Variants in SRBD1 observed in about 807,000 individuals in gnomAD.
The protein encoded by SRBD1 is S1 RNA-binding domain-containing protein 1.
In SRBD1, 88 loss-of-function variants were observed where a neutral mutation model predicts 115.3. That is an observed-to-expected ratio of 0.76 (90% CI 0.64 to 0.91). The LOEUF is 0.91. SRBD1 is among the 40% of genes least tolerant of loss of function. SRBD1 has a pLI of 0.00. For synonymous variants in SRBD1, 509 were observed against 407.7 expected (o/e 1.25, Z -2.99); for missense variants, 1,385 against 1,177.4 (o/e 1.18, Z -2.58).
At chr2:45,546,333 G>T in intron 14 of SRBD1, 5 of 985,458 alleles carry the variant, frequency 5.1e-6, no homozygotes, top group Non-Finnish European at 6.0e-6. Context: ...TCTCAGTTCT[G>T]AAGGGTAATG....
intron 16 of SRBD1, among the ~76,000 whole-genome samples, chr2:45,429,993 A>T (rs191524655): frequency 6.6e-6 from 1 of 152,312 alleles, no homozygotes; most frequent in East Asian, 1.9e-4. Context: ...CCTATACACC[A>T]ATAATAGACA....
In SRBD1 at chr2:45,418,302, G is replaced by C. The variant is rs1039936851; in HGVS notation, c.2333+63C>G. ...GAAAATTTTACACTAATCAGTGGTAGGATAGGTAACAGTAACAAGAGAGGA... is the reference window on the plus strand; with the variant it reads ...GAAAATTTTACACTAATCAGTGGTACGATAGGTAACAGTAACAAGAGAGGA... On this transcript the variant is annotated intron_variant, in intron 18 of 20. Transcript: ENST00000263736. 5.1e-6 allele frequency: 8 copies of C among 1,567,798 alleles called. No homozygotes were observed. In the African/African-American group the frequency reaches 9.6e-5, roughly 19 times the overall value.
chr2:45,488,163 T>C (rs1184123933), intron 15 of SRBD1, 77 bp downstream of exon 15: 4 of 1,254,478 alleles, frequency 3.2e-6, no homozygotes, highest in Middle Eastern at 1.9e-4. Flanking sequence ...CTTTGATATT[T>C]AGAATATTTA....
At position 45,463,426 on chromosome 2, in the gene SRBD1, C is replaced by A. The variant is rs528516683; in HGVS notation, c.2049+13567G>T. ...AGATCATGATCAACTCACACTCCAA[C>A]ACACATATATAAAGGAATGAGTTAA... On this transcript the variant is annotated intron_variant, in intron 16 of 20. Coordinates refer to ENST00000263736, the MANE Select transcript of SRBD1 (RefSeq NM_018079.5). 7.9e-5 allele frequency among the ~76,000 whole-genome samples: 12 copies of A among 152,262 alleles called. No homozygotes were observed. The South Asian group carries it at 2.5e-3, about 32-fold the overall frequency.
At chr2:45,391,382 T>C (rs1272628132) in intron 20 of SRBD1, among the ~76,000 whole-genome samples, 2 of 152,074 alleles carry the variant, frequency 1.3e-5, no homozygotes, top group Admixed American at 1.3e-4. Context: ...AAAGACAGAA[T>C]TATTATGAGT....
chr2:45,567,426 A>G (rs1672865744), intron 9 of SRBD1, among the ~76,000 whole-genome samples: 1 of 152,122 alleles, frequency 6.6e-6, no homozygotes, highest in African/African-American at 2.4e-5. Flanking sequence ...CCTGGGCAAC[A>G]TGGCGAAACC....
At position 45,585,639 on chromosome 2, in the gene SRBD1, T is replaced by A. The variant is rs2104198398; in HGVS notation, c.784A>T (p.Arg262Ter). 1 of 1,611,740 alleles carries A rather than the reference T, an allele frequency of 6.2e-7. No individual in the cohort carries two copies. The highest frequency in any genetic ancestry group is 8.5e-7 in the Non-Finnish European group (1 of 1,179,374). Residue 262 changes from arginine to a stop codon, truncating the protein, a stop_gained, in exon 5 of 21, where the codon AGA (arginine) becomes TGA (stop). Transcript: ENST00000263736. LOFTEE classifies it high-confidence loss of function. ...TCTTCTAGGGTTTGCTGAACTTCTC[T>A]CAAGGAATCAGCATCAAGGTTATTA... Reference protein sequence around the residue: ...LINNLDADSLREVQQTLEELR... With the variant: ...LINNLDADSL
In SRBD1 at chr2:45,407,216, T is replaced by A. The variant is rs1194067119; in HGVS notation, c.2513+5898A>T. ...TTTAAACATGATGATGCTTCTAACATGCTTGGTAATGAGGAAGTAGTCAAT... is the reference window on the plus strand; with the variant it reads ...TTTAAACATGATGATGCTTCTAACAAGCTTGGTAATGAGGAAGTAGTCAAT... On this transcript the variant is annotated intron_variant, in intron 19 of 20. Transcript: ENST00000263736. Among the ~76,000 whole-genome samples, 3 of 152,318 alleles carry A rather than the reference T, an allele frequency of 2.0e-5. No homozygotes were observed. The East Asian group carries it at 5.8e-4, about 29-fold the overall frequency.
At chr2:45,542,179 G>A (rs557182388) in intron 14 of SRBD1, among the ~76,000 whole-genome samples, 61 of 152,350 alleles carry the variant, frequency 4.0e-4, no homozygotes, top group African/African-American at 1.4e-3. Context: ...CCAAAATCCT[G>A]AACAGGCTGA....
intron 16 of SRBD1, among the ~76,000 whole-genome samples, chr2:45,459,332 G>C (rs982095721): frequency 1.1e-4 from 17 of 152,080 alleles, no homozygotes; most frequent in African/African-American, 4.1e-4. Flanking sequence ...GCAGGCAATG[G>C]GCCTTCACTT....
At chr2:45,562,019 A>G (rs1223001858) in intron 10 of SRBD1, among the ~76,000 whole-genome samples, 1 of 152,210 alleles carries the variant, frequency 6.6e-6, no homozygotes, top group Non-Finnish European at 1.5e-5. Context: ...TGCAAGGGAA[A>G]AGATGATCTT....
At position 45,434,837 on chromosome 2, in the gene SRBD1, T is replaced by G. The variant is rs537852403; in HGVS notation, c.2050-14943A>C. Among the ~76,000 whole-genome samples the G allele has an allele frequency of 3.9e-5, 6 of 152,050 alleles. No homozygotes were observed. In the South Asian group the frequency reaches 1.3e-3, roughly 32 times the overall value. ...GCACAATGTGCAGGTTTGTTACACA[T>G]GTATACATGTGTCATGTTGGTTTGC... On this transcript the variant is annotated intron_variant, in intron 16 of 20. Transcript: ENST00000263736.
intron 20 of SRBD1, among the ~76,000 whole-genome samples, chr2:45,392,628 T>A (rs947806601): frequency 1.3e-5 from 2 of 152,172 alleles, no homozygotes; most frequent in Admixed American, 6.5e-5. Flanking sequence ...TCCCAAGAGA[T>A]AAAGACAACT....
intron 14 of SRBD1, among the ~76,000 whole-genome samples, chr2:45,528,497 A>T (rs955379244): frequency 4.0e-5 from 6 of 151,874 alleles, no homozygotes; most frequent in Non-Finnish European, 7.4e-5. Context: ...AAAAGAATTT[A>T]AAAAACACAT....
intron 16 of SRBD1, among the ~76,000 whole-genome samples, chr2:45,444,388 T>C (rs1668758822): frequency 6.6e-6 from 1 of 152,142 alleles, no homozygotes; most frequent in African/African-American, 2.4e-5. Flanking sequence ...TCCACATAAC[T>C]TTAGTAAAGA....
chr2:45,560,502 C>T (rs530814578), intron 10 of SRBD1, among the ~76,000 whole-genome samples: 8 of 152,286 alleles, frequency 5.3e-5, no homozygotes, highest in East Asian at 1.9e-4. Flanking sequence ...TATACAGTTA[C>T]GTAGATTATC....
intron 14 of SRBD1, among the ~76,000 whole-genome samples, chr2:45,529,161 T>C (rs938604562): frequency 2.6e-5 from 4 of 151,934 alleles, no homozygotes; most frequent in African/African-American, 4.8e-5. Context: ...AGTATTTCCC[T>C]TCTATATAAT....
intron 10 of SRBD1, among the ~76,000 whole-genome samples, chr2:45,558,222 T>C (rs1312617133): frequency 6.6e-6 from 1 of 152,126 alleles, no homozygotes; most frequent in Admixed American, 6.5e-5. Flanking sequence ...CCCAGCTAAT[T>C]TGAAGGCTGA....
intron 16 of SRBD1, among the ~76,000 whole-genome samples, chr2:45,421,536 A>AAAAG (rs1668006088): frequency 6.7e-6 from 1 of 149,322 alleles, no homozygotes; most frequent in Admixed American, 6.7e-5. Flanking sequence ...AAAAAAAAAA[A>AAAAG]AAAAAAAAAG....
Sources: allele counts gnomAD v4.1 joint callset (sites outside exome capture counted in the v4.1 genomes callset), GRCh38; gene constraint gnomAD v4.1.1; transcripts MANE v1.5; gene names NCBI Gene and HGNC (gene_info 2026-07-23, HGNC 2026-07-21).